Variants in PPP3CC observed in about 807,000 individuals in gnomAD.
PPP3CC encodes the protein protein phosphatase 3 catalytic subunit gamma.
PPP3CC carries 35 observed loss-of-function variants against 60.3 expected under a neutral mutation model. The observed-to-expected ratio is 0.58, with a 90% CI of 0.44 to 0.77. PPP3CC has a LOEUF of 0.77. Ranked by LOEUF, PPP3CC falls within the 30% of genes least tolerant of loss-of-function variation. The pLI is 0.00. For synonymous variants in PPP3CC, 206 were observed against 224.3 expected, an observed-to-expected ratio of 0.92 and a Z score of 0.73; for missense variants, 570 against 628.9, an observed-to-expected ratio of 0.91 and a Z score of 1.00.
intron 1 of PPP3CC, among the ~76,000 whole-genome samples, chr8:22,449,112 A>G (rs1836926415): frequency 6.6e-6 from 1 of 152,102 alleles, no homozygotes; most frequent in African/African-American, 2.4e-5. Flanking sequence ...ACCCATCTCT[A>G]TTTAAAAAAG....
chr8:22,486,425 TATATA>T (rs1399970683), intron 3 of PPP3CC, among the ~76,000 whole-genome samples: 1 of 152,174 alleles, frequency 6.6e-6, no homozygotes, highest in Non-Finnish European at 1.5e-5. Flanking sequence ...TAACCAGTAA[TATATA>T]AAGGGAACTC....
At chr8:22,481,425 A>G (rs1221867614) in intron 3 of PPP3CC, among the ~76,000 whole-genome samples, 1 of 150,932 alleles carries the variant, frequency 6.6e-6, no homozygotes, top group Non-Finnish European at 1.5e-5. Flanking sequence ...CCAAAGTAAT[A>G]CAGAAAGTTA....
intron 6 of PPP3CC, among the ~76,000 whole-genome samples, chr8:22,520,495 CT>C (rs1839377512): frequency 6.6e-6 from 1 of 152,046 alleles, no homozygotes; most frequent in Non-Finnish European, 1.5e-5. Context: ...TTTCCACATT[CT>C]TTTTTATTCT....
chr8:22,445,237 G>A (rs950922114), intron 1 of PPP3CC, among the ~76,000 whole-genome samples: 4 of 152,078 alleles, frequency 2.6e-5, no homozygotes, highest in African/African-American at 7.2e-5. Context: ...TAATATTAGT[G>A]TGGACAAAAA....
At chr8:22,486,844 C>T (rs1380964659) in intron 3 of PPP3CC, among the ~76,000 whole-genome samples, 1 of 151,698 alleles carries the variant, frequency 6.6e-6, no homozygotes, top group Non-Finnish European at 1.5e-5. Flanking sequence ...ATCCTCCTGC[C>T]TCACCCTCCC....
At chr8:22,508,315 A>G (rs2117083382) in intron 4 of PPP3CC, among the ~76,000 whole-genome samples, 1 of 152,324 alleles carries the variant, frequency 6.6e-6, no homozygotes, top group Non-Finnish European at 1.5e-5. Context: ...TTACATATTC[A>G]TCATAAAAAA....
intron 3 of PPP3CC, among the ~76,000 whole-genome samples, chr8:22,484,726 G>T (rs1345845968): frequency 6.6e-6 from 1 of 152,168 alleles, no homozygotes; most frequent in African/African-American, 2.4e-5. Flanking sequence ...CTGTGGGCAG[G>T]CTATCTTTAC....
chr8:22,448,695 G>A (rs539546719), intron 1 of PPP3CC, among the ~76,000 whole-genome samples: 1 of 152,156 alleles, frequency 6.6e-6, no homozygotes, highest in Non-Finnish European at 1.5e-5. Context: ...ATTGTTAAAT[G>A]TCTTGAATGT....
At chr8:22,473,423 T>G (rs1837789992) in intron 1 of PPP3CC, among the ~76,000 whole-genome samples, 2 of 152,128 alleles carry the variant, frequency 1.3e-5, no homozygotes, top group African/African-American at 4.8e-5. Context: ...AAGGTAGTTA[T>G]TAGCATTTCC....
Position 22,496,485 on chromosome 8 carries a change from C to CTTTTTTTTTTTTTTTTTTTTTTTTTTT in PPP3CC, c.373-1512_373-1486dup, listed in dbSNP as rs71206523. On this transcript the variant is annotated intron_variant, in intron 3 of 13. Transcript: ENST00000240139. ...AAGTTAAATTAGGGAGAACTGTAATCTTTTTTTTTTTTTTTTTTTTTTTTT... is the reference window on the plus strand; with the variant it reads ...AAGTTAAATTAGGGAGAACTGTAATCTTTTTTTTTTTTTTTTTTTTTTTTTTTTTTTTTTTTTTTTTTTTTTTTTTTT... 4.8e-4 allele frequency among the ~76,000 whole-genome samples: 21 copies of CTTTTTTTTTTTTTTTTTTTTTTTTTTT among 43,582 alleles called. 8 individuals are homozygous for CTTTTTTTTTTTTTTTTTTTTTTTTTTT. The highest frequency in any genetic ancestry group is 1.8e-3 in the East Asian group (2 of 1,130). The allele number at this position is 43,582 out of a possible 152,430, so 28.6% of individuals were successfully genotyped here.
intron 3 of PPP3CC, among the ~76,000 whole-genome samples, chr8:22,488,859 A>G (rs1838299556): frequency 6.6e-6 from 1 of 152,362 alleles, no homozygotes; most frequent in Non-Finnish European, 1.5e-5. Context: ...GCTTACAGGC[A>G]GAAGCAAGTC....
chr8:22,449,841 T>C (rs1836952401), intron 1 of PPP3CC, among the ~76,000 whole-genome samples: 1 of 151,896 alleles, frequency 6.6e-6, no homozygotes. Context: ...AGCAAGACTA[T>C]TTTGATGACT....
intron 3 of PPP3CC, among the ~76,000 whole-genome samples, chr8:22,480,123 A>G (rs779293936): frequency 6.6e-6 from 1 of 152,308 alleles, no homozygotes; most frequent in African/African-American, 2.4e-5. Flanking sequence ...GAGACAAAAC[A>G]GTAACTGTGG....
Position 22,528,513 on chromosome 8 carries a change from G to A in PPP3CC, c.1077G>A (p.Glu359=). The A allele has an allele frequency of 1.3e-6, 2 of 1,538,644 alleles. No individual in the cohort carries two copies. The highest frequency in any genetic ancestry group is 1.8e-6 in the Non-Finnish European group (2 of 1,136,246). ...TTATTTTGTCTTACTTAGTCACAGA[G>A]ATGCTGGTAAATGTGCTCAACATAT... ...SLPFVGEKVT[E]MLVNVLNICS... The change falls in exon 10 of 14, where the codon GAG becomes GAA. Residue 359 remains glutamate (E), a synonymous_variant. Coordinates refer to ENST00000240139, the MANE Select transcript of PPP3CC (RefSeq NM_005605.5).
rs1563799602 is a variant in PPP3CC, at chr8:22,539,462, C to CGTAA, written c.1322-7_1322-6insGTAA. 1 of 1,614,022 alleles carries CGTAA rather than the reference C, an allele frequency of 6.2e-7. No individual in the cohort carries two copies. The highest frequency in any genetic ancestry group is 1.1e-5 in the South Asian group (1 of 91,056). Reference sequence around the variant, plus strand: ...TTTTGCATGCTACTGCTCCTGCCCTCTTACAGCCACAGTAGAAGCGGTAGA... The same window carrying CGTAA: ...TTTTGCATGCTACTGCTCCTGCCCTCGTAATTACAGCCACAGTAGAAGCGGTAGA... On this transcript the variant is annotated splice_polypyrimidine_tract_variant and splice_region_variant and intron_variant, in intron 12 of 13. Transcript: ENST00000240139.
intron 4 of PPP3CC, among the ~76,000 whole-genome samples, chr8:22,502,382 G>A (rs905578077): frequency 3.9e-5 from 6 of 152,188 alleles, no homozygotes; most frequent in Non-Finnish European, 8.8e-5. Flanking sequence ...GGAATGCTAG[G>A]CAGCTATTGA....
rs571193520 is a variant in PPP3CC at position 22,481,877 on chromosome 8, T to G, written c.372+6253T>G. ...AAAGACATGAACTCATCCTTTTTTT[T>G]GGCTCCATAGTATTCCATGGTGTAT... On this transcript the variant is annotated intron_variant, in intron 3 of 13. Coordinates refer to ENST00000240139, the MANE Select transcript of PPP3CC (RefSeq NM_005605.5). Among the ~76,000 whole-genome samples, 4 of 152,328 alleles carry G rather than the reference T, an allele frequency of 2.6e-5. No homozygotes were observed. The South Asian group carries it at 8.3e-4, about 32-fold the overall frequency.
At position 22,522,730 on chromosome 8, in the gene PPP3CC, A is replaced by G; in HGVS notation, c.924A>G (p.Leu308=). The G allele has an allele frequency of 6.3e-7, 1 of 1,585,138 alleles. No homozygotes were observed. The highest frequency in any genetic ancestry group is 8.7e-7 in the Non-Finnish European group (1 of 1,154,008). ...LITIFSAPNY[L]DVYNNKAAVL... is the part of the protein sequence containing the mutation. ...CAATTTTCTCTGCCCCCAATTACCT[A>G]GATGTCTATAACAATAAAGGTAAAG... The change falls in exon 8 of 14, where the codon CTA becomes CTG. Residue 308 remains leucine (L), a synonymous_variant. Coordinates refer to ENST00000240139, the MANE Select transcript of PPP3CC (RefSeq NM_005605.5).
In PPP3CC at chr8:22,510,259, G is replaced by A. The variant is rs540966818; in HGVS notation, c.485-827G>A. Among the ~76,000 whole-genome samples the A allele has an allele frequency of 8.2e-4, 121 of 146,928 alleles. 1 individual carries two copies. The highest frequency in any genetic ancestry group is 2.6e-3 in the African/African-American group (106 of 40,074). On this transcript the variant is annotated intron_variant, in intron 4 of 13. Coordinates refer to ENST00000240139, the MANE Select transcript of PPP3CC (RefSeq NM_005605.5). ...AACTCCTGGCCTCAAGCAATCCCCC[G>A]ACCTCAGCCTTCCAAAACATTGGGA... is the stretch of plus-strand genomic sequence containing the variant.
Sources: allele counts gnomAD v4.1 joint callset (sites outside exome capture counted in the v4.1 genomes callset), GRCh38; gene constraint gnomAD v4.1.1; transcripts MANE v1.5; gene names NCBI Gene and HGNC (gene_info 2026-07-23, HGNC 2026-07-21).